The following GRIN2B variants were observed in gnomAD, a reference collection of about 807,000 sequenced individuals.
GRIN2B encodes the protein glutamate receptor ionotropic, NMDA 2B.
GRIN2B carries 5 observed loss-of-function variants against 114.5 expected under a neutral mutation model. The ratio of observed to expected loss-of-function variants is 0.04; its 90% CI spans 0.02 to 0.09. The LOEUF (loss-of-function observed/expected upper bound fraction) is 0.09. GRIN2B is among the 10% of genes least tolerant of loss of function. The pLI, the probability that GRIN2B is intolerant of heterozygous loss-of-function variation, is 1.00. For synonymous variants in GRIN2B, 787 were observed against 745.1 expected, an observed-to-expected ratio of 1.06 and a Z score of -0.92; for missense variants, 1,108 against 1,943.5, an observed-to-expected ratio of 0.57 and a Z score of 8.08.
Position 13,539,170 on chromosome 12 carries a change from C to G in GRIN2B, c.*23613G>C, listed in dbSNP as rs1948247394. The G allele has an allele frequency of 1.3e-5, 2 of 152,184 alleles. No homozygotes were observed. The highest frequency in any genetic ancestry group is 4.1e-4 in the South Asian group (2 of 4,824). 9.4% of individuals were successfully genotyped at this position (152,184 alleles called of 1,614,324 possible). On this transcript the variant is annotated 3_prime_UTR_variant, in exon 14 of 14. Coordinates refer to ENST00000609686, the MANE Select transcript of GRIN2B (RefSeq NM_000834.5). The stretch of plus-strand genomic sequence containing the variant: ...GATAATCTCTCTGAGACAGTAACTT[C>G]AAAGAGATAACAATACATTATCCTG...
At chr12:13,640,209 C>T (rs1949702278) in intron 5 of GRIN2B, among the ~76,000 whole-genome samples, 1 of 152,028 alleles carries the variant, frequency 6.6e-6, no homozygotes, top group South Asian at 2.1e-4. Context: ...TATGATCATG[C>T]CACTGTATTC....
intron 5 of GRIN2B, among the ~76,000 whole-genome samples, chr12:13,669,866 C>A (rs985700608): frequency 6.6e-6 from 1 of 152,088 alleles, no homozygotes; most frequent in Admixed American, 6.5e-5. Flanking sequence ...ACTATGATCA[C>A]CATAGTCCTT....
At chr12:13,647,618 C>T (rs1379923547) in intron 5 of GRIN2B, among the ~76,000 whole-genome samples, 1 of 152,044 alleles carries the variant, frequency 6.6e-6, no homozygotes, top group Non-Finnish European at 1.5e-5. Flanking sequence ...AGGAATGCTG[C>T]CCACCTCTTA....
intron 3 of GRIN2B, among the ~76,000 whole-genome samples, chr12:13,842,126 G>A (rs765258453): frequency 6.6e-6 from 1 of 152,044 alleles, no homozygotes; most frequent in African/African-American, 2.4e-5. Flanking sequence ...TGCCAGTATG[G>A]GTCATGGGAC....
At chr12:13,621,649 CA>C (rs1949519229) in intron 5 of GRIN2B, among the ~76,000 whole-genome samples, 1 of 57,322 alleles carries the variant, frequency 1.7e-5, no homozygotes, top group Non-Finnish European at 3.2e-5. Context: ...TTCAGAAAAA[CA>C]GTGATGTTTT....
chr12:13,696,033 T>C (rs1159043225), intron 4 of GRIN2B, among the ~76,000 whole-genome samples: 2 of 152,208 alleles, frequency 1.3e-5, no homozygotes, highest in East Asian at 1.9e-4. Flanking sequence ...ACCTTGTATT[T>C]ATGATCTTTC....
chr12:13,816,214 T>C (rs1401002479), intron 3 of GRIN2B, among the ~76,000 whole-genome samples: 1 of 152,108 alleles, frequency 6.6e-6, no homozygotes. Flanking sequence ...GCACCTCTAG[T>C]TCAACAGATT....
At chr12:13,726,314 C>G (rs1455234168) in intron 4 of GRIN2B, among the ~76,000 whole-genome samples, 1 of 151,790 alleles carries the variant, frequency 6.6e-6, no homozygotes, top group Non-Finnish European at 1.5e-5. Flanking sequence ...GCGGGCAGAT[C>G]ACCTGAGGCC....
At chr12:13,936,176 T>G (rs563927057) in intron 2 of GRIN2B, among the ~76,000 whole-genome samples, 16 of 152,258 alleles carry the variant, frequency 1.1e-4, no homozygotes, top group African/African-American at 3.9e-4. Context: ...CTTCCAAGAT[T>G]TTCTAGACAG....
At chr12:13,648,173 C>A (rs1028369036) in intron 5 of GRIN2B, among the ~76,000 whole-genome samples, 2 of 152,000 alleles carry the variant, frequency 1.3e-5, no homozygotes, top group Non-Finnish European at 2.9e-5. Context: ...GTAGTATAAA[C>A]CCTAGCTCTA....
At chr12:13,738,125 C>A (rs1328095807) in intron 4 of GRIN2B, among the ~76,000 whole-genome samples, 1 of 128,302 alleles carries the variant, frequency 7.8e-6, no homozygotes, top group African/African-American at 3.0e-5. Context: ...CCCACCATTT[C>A]TTTTCTTACC....
intron 2 of GRIN2B, among the ~76,000 whole-genome samples, chr12:13,950,478 C>T (rs1361630104): frequency 6.6e-6 from 1 of 152,140 alleles, no homozygotes; most frequent in African/African-American, 2.4e-5. Context: ...GTACTTATCT[C>T]ATTAAATTAT....
rs144956856 is a variant in GRIN2B, at chr12:13,564,279, G to A, written c.2959C>T (p.His987Tyr). Reference protein sequence around the residue: ...DSNVYQDHYHHHHRPHSIGSA... With the variant: ...DSNVYQDHYHYHHRPHSIGSA... Reference sequence around the variant, plus strand: ...CCAATACTATGGGGCCGGTGGTGATGGTGGTAGTGATCTTGGTACACGTTG... The same window carrying A: ...CCAATACTATGGGGCCGGTGGTGATAGTGGTAGTGATCTTGGTACACGTTG... Residue 987 changes from histidine (H) to tyrosine (Y), a missense_variant, in exon 14 of 14, where the codon CAT (histidine) becomes TAT (tyrosine). By Grantham distance (83) the His-to-Tyr change is moderately conservative. Around this residue, in one of 19 missense-constraint regions of GRIN2B, gnomAD observed 140 missense variants for 187.5 expected, o/e 0.75. Transcript: ENST00000609686. The surrounding 1 kb of genome is among the most constrained non-coding windows in gnomAD (Gnocchi z 4.8). The A allele has an allele frequency of 3.7e-6, 6 of 1,614,072 alleles. No homozygotes were observed. The African/African-American group carries it at 5.3e-5, about 14-fold the overall frequency.
chr12:13,913,510 G>C (rs551759503), intron 2 of GRIN2B, among the ~76,000 whole-genome samples: 1 of 152,336 alleles, frequency 6.6e-6, no homozygotes, highest in South Asian at 2.1e-4. Flanking sequence ...GAGGCACTGA[G>C]TGAGTCACTT....
At chr12:13,681,880 G>A (rs1277542534) in intron 4 of GRIN2B, among the ~76,000 whole-genome samples, 1 of 152,026 alleles carries the variant, frequency 6.6e-6, no homozygotes, top group Admixed American at 6.6e-5. Flanking sequence ...TCTCTACCAT[G>A]TGAATGGAAA....
chr12:13,837,730 G>T (rs544984723), intron 3 of GRIN2B, among the ~76,000 whole-genome samples: 1 of 152,166 alleles, frequency 6.6e-6, no homozygotes, highest in African/African-American at 2.4e-5. Flanking sequence ...AGGGCTTGGG[G>T]TTGGCGATCT....
intron 5 of GRIN2B, among the ~76,000 whole-genome samples, chr12:13,674,060 A>T (rs1052663390): frequency 3.3e-5 from 5 of 152,088 alleles, no homozygotes; most frequent in African/African-American, 1.2e-4. Flanking sequence ...GGGCAACTTT[A>T]ATCAAGAACA....
chr12:13,690,315 ACATG>A (rs746418276), intron 4 of GRIN2B, among the ~76,000 whole-genome samples: 1,899 of 145,358 alleles, frequency 0.013, 26 homozygotes, highest in African/African-American at 0.042. Flanking sequence ...ACACACACAC[ACATG>A]CACACGCACA....
At chr12:13,918,782 GT>G (rs1866774005) in intron 2 of GRIN2B, among the ~76,000 whole-genome samples, 2 of 152,164 alleles carry the variant, frequency 1.3e-5, no homozygotes, top group African/African-American at 4.8e-5. Context: ...AGTAGTTGTA[GT>G]TTCAAAAATG....
Sources: gnomAD v4.1 joint callset for allele counts (sites outside exome capture counted in the v4.1 genomes callset) on GRCh38, gnomAD v4.1.1 for gene constraint, gnomAD v4.1.1 regional missense constraint, Gnocchi (gnomAD v3.1) non-coding constraint, MANE v1.5 for transcripts, NCBI Gene and HGNC (gene_info 2026-07-23, HGNC 2026-07-21) for gene names.